The following TEX11 variants were observed in gnomAD, a reference collection of about 807,000 sequenced individuals.
TEX11 encodes testis expressed 11, also known as testis-expressed protein 11.
A neutral mutation model predicts 84.4 loss-of-function variants in TEX11; 7 were observed. That is an observed-to-expected ratio of 0.08 (90% CI 0.05 to 0.16). TEX11 has a LOEUF of 0.16. Among genes scored for constraint, TEX11 ranks in the 10% least tolerant of loss-of-function variants. The pLI is 1.00. For missense variants in TEX11, 551 were observed against 660.5 expected (o/e 0.83, Z 1.82); for synonymous variants, 264 against 222.8 (o/e 1.18, Z -1.64).
At chrX:70,514,423 C>T in the TEX11 span, among the ~76,000 whole-genome samples, 2 of 109,677 alleles carry the variant, frequency 1.8e-5, no homozygotes, top group African/African-American at 3.3e-5. Context: ...GGTGAAACCC[C>T]GTCTCTACTA....
At chrX:70,816,002 T>A (rs2091284275) in intron 8 of TEX11, among the ~76,000 whole-genome samples, 1 of 111,406 alleles carries the variant, frequency 9.0e-6, no homozygotes, top group Non-Finnish European at 1.9e-5. Flanking sequence ...TGGTGGTGAT[T>A]TGTGAGATTT....
chrX:70,735,679 C>T (rs1177783624), intron 11 of TEX11, among the ~76,000 whole-genome samples: 2 of 112,102 alleles, frequency 1.8e-5, no homozygotes, highest in Non-Finnish European at 3.8e-5. Flanking sequence ...AACAAATTCC[C>T]TACCAAATTC....
chrX:70,574,047 C>A (rs771891790), intron 25 of TEX11, among the ~76,000 whole-genome samples: 21 of 111,841 alleles, frequency 1.9e-4, no homozygotes, highest in Non-Finnish European at 3.4e-4. Flanking sequence ...CTTGCAATGA[C>A]CTACAAAAAC....
chrX:70,798,267 T>C (rs1307320435), intron 9 of TEX11, among the ~76,000 whole-genome samples: 1 of 110,711 alleles, frequency 9.0e-6, no homozygotes, highest in East Asian at 2.8e-4. Context: ...AAAATACTTA[T>C]GAGTAAATTT....
chrX:70,738,723 G>A, intron 11 of TEX11, among the ~76,000 whole-genome samples: 1 of 112,019 alleles, frequency 8.9e-6, no homozygotes, highest in Non-Finnish European at 1.9e-5. Flanking sequence ...TGATAGACTG[G>A]ATAAAGAAAA....
intron 11 of TEX11, among the ~76,000 whole-genome samples, chrX:70,735,249 A>G (rs1193200186): frequency 9.0e-6 from 1 of 110,935 alleles, no homozygotes; most frequent in Non-Finnish European, 1.9e-5. Context: ...ATGGGGTTTC[A>G]CCATGTTGGC....
chrX:70,679,508 G>A (rs1307601206), intron 14 of TEX11, among the ~76,000 whole-genome samples: 4 of 102,600 alleles, frequency 3.9e-5, no homozygotes, highest in African/African-American at 7.2e-5. Context: ...GCCTCTTCCC[G>A]GCCGCCATCC....
At chrX:70,515,271 C>T in the TEX11 span, among the ~76,000 whole-genome samples, 1 of 107,041 alleles carries the variant, frequency 9.3e-6, no homozygotes, top group African/African-American at 3.4e-5. Context: ...CTCCTCCACC[C>T]CCCCCCACCC....
chrX:70,610,253 G>A (rs1322549922), intron 21 of TEX11, among the ~76,000 whole-genome samples: 1 of 106,444 alleles, frequency 9.4e-6, no homozygotes, highest in Non-Finnish European at 1.9e-5. Flanking sequence ...GGGAGGGAAG[G>A]AAATGTCCTT....
chrX:70,779,590 T>C (rs776758687), intron 9 of TEX11, among the ~76,000 whole-genome samples: 2 of 108,747 alleles, frequency 1.8e-5, no homozygotes, highest in Non-Finnish European at 3.8e-5. Context: ...GCCAAAAAAA[T>C]ACAATAGATC....
chrX:70,668,542 T>A (rs1346916050), intron 16 of TEX11, among the ~76,000 whole-genome samples: 1 of 112,488 alleles, frequency 8.9e-6, no homozygotes, highest in East Asian at 2.8e-4. Flanking sequence ...CTTGAATATA[T>A]TCAAAATATC....
intron 9 of TEX11, among the ~76,000 whole-genome samples, chrX:70,799,892 A>G (rs1009130779): frequency 1.8e-5 from 2 of 111,650 alleles, no homozygotes; most frequent in Non-Finnish European, 3.8e-5. Flanking sequence ...TATTTGTACT[A>G]TTAATCATCA....
intron 4 of TEX11, among the ~76,000 whole-genome samples, chrX:70,868,500 A>G (rs2091611107): frequency 9.0e-6 from 1 of 111,543 alleles, no homozygotes; most frequent in Non-Finnish European, 1.9e-5. Flanking sequence ...CAGAAATACC[A>G]TTTTGACCCA....
At chrX:70,859,112 G>C (rs2147857097) in intron 5 of TEX11, among the ~76,000 whole-genome samples, 1 of 110,909 alleles carries the variant, frequency 9.0e-6, no homozygotes, top group East Asian at 2.8e-4. Context: ...GAAGAAACAA[G>C]AGTGGCCATG....
chrX:70,895,361 G>T (rs2091761063), intron 2 of TEX11, among the ~76,000 whole-genome samples: 1 of 111,278 alleles, frequency 9.0e-6, no homozygotes, highest in Non-Finnish European at 1.9e-5. Flanking sequence ...CACTGCTCAA[G>T]GAAATAAGCG....
chrX:70,826,962 T>TGGA lies in TEX11; in HGVS notation c.606+6550_606+6551insTCC, dbSNP rs1183994400. Among the ~76,000 whole-genome samples, 382 of 111,203 alleles carry TGGA rather than the reference T, an allele frequency of 3.4e-3. 3 individuals carry two copies. The highest frequency in any genetic ancestry group is 0.012 in the African/African-American group (362 of 30,613). On this transcript the variant is annotated intron_variant, in intron 8 of 29. Coordinates refer to ENST00000374333, the MANE Select transcript of TEX11 (RefSeq NM_031276.3). ...GCAAAGGGAGGGCTTGCACCATCCC[T>TGGA]TCCCCAACCCCAGGCAATAAAGCTC...
intron 17 of TEX11, among the ~76,000 whole-genome samples, chrX:70,644,768 G>C (rs1448551477): frequency 3.1e-3 from 210 of 68,542 alleles, no homozygotes; most frequent in Middle Eastern, 9.0e-3. Flanking sequence ...TCTGGGGACT[G>C]TTGTGGGGTG....
At chrX:70,546,206 CAA>C (rs1463098472) in intron 28 of TEX11, among the ~76,000 whole-genome samples, 1 of 111,813 alleles carries the variant, frequency 8.9e-6, no homozygotes, top group East Asian at 2.8e-4. Flanking sequence ...AGCAAACAAA[CAA>C]AACATCATTT....
intron 27 of TEX11, 98 bp from the exon 28 acceptor site, chrX:70,552,344 C>T (rs2088227095): frequency 1.0e-6 from 1 of 978,521 alleles, no homozygotes. Context: ...AGACTAACAG[C>T]TTCAAAACAC....
Sources: allele counts gnomAD v4.1 joint callset (sites outside exome capture counted in the v4.1 genomes callset), GRCh38; gene constraint gnomAD v4.1.1; transcripts MANE v1.5; gene names NCBI Gene and HGNC (gene_info 2026-07-23, HGNC 2026-07-21).